The following TMF1 variants were observed in gnomAD, a reference collection of about 807,000 sequenced individuals.
TMF1 encodes TATA element modulatory factor.
A neutral mutation model predicts 126.5 loss-of-function variants in TMF1; 71 were observed. The observed-to-expected ratio is 0.56, with a 90% CI of 0.46 to 0.68. The LOEUF is 0.68. Among genes scored for constraint, TMF1 ranks in the 30% least tolerant of loss-of-function variants. The pLI is 0.00. For missense variants in TMF1, 1,259 were observed against 1,253.2 expected, an observed-to-expected ratio of 1.00 and a Z score of -0.07; for synonymous variants, 461 against 430.5, an observed-to-expected ratio of 1.07 and a Z score of -0.88.
intron 10 of TMF1, among the ~76,000 whole-genome samples, chr3:69,031,658 G>A (rs543004845): frequency 6.6e-6 from 1 of 152,204 alleles, no homozygotes; most frequent in Non-Finnish European, 1.5e-5. Flanking sequence ...AAAGAGCAAT[G>A]GGTAAGATTC....
chr3:69,030,954 A>G (rs2091798044), intron 10 of TMF1, among the ~76,000 whole-genome samples: 1 of 152,220 alleles, frequency 6.6e-6, no homozygotes, highest in South Asian at 2.1e-4. Context: ...ATGAATATTC[A>G]CAGTAGCTTT....
At chr3:69,038,816 G>A in intron 7 of TMF1, 27 bp downstream of exon 7, 6 of 1,583,040 alleles carry the variant, frequency 3.8e-6, no homozygotes, top group Non-Finnish European at 5.1e-6. Context: ...CATTCTAAAT[G>A]GGTTGCATAT....
In TMF1 at chr3:69,048,507, T is replaced by G. The variant is rs202168999; in HGVS notation, c.198A>C (p.Ser66=). The change falls in exon 2 of 17, where the codon TCA becomes TCC. Residue 66 remains serine (S), a synonymous_variant. Transcript: ENST00000398559. ...TTGGTGGACTCTGAGGTTCAGTGTT[T>G]GATTTCAACCCCCAGGTTGAAGTAT... ...GWDTSTWGLK[S]NTEPQSPPIA... 2 of 1,613,912 alleles carry G rather than the reference T, an allele frequency of 1.2e-6. No homozygotes were observed. Among genetic ancestry groups the G allele is most frequent in the Non-Finnish European group, 1.7e-6 (2 of 1,179,860 alleles).
intron 16 of TMF1, 52 bp from the exon 17 acceptor site, chr3:69,023,372 T>C: frequency 7.1e-7 from 1 of 1,408,930 alleles, no homozygotes; most frequent in Non-Finnish European, 9.8e-7. Flanking sequence ...AGAACATCTT[T>C]AATATTTATA....
Position 69,021,311 on chromosome 3 carries a change from G to GT in TMF1, c.*1865dup, listed in dbSNP as rs1480216540. 3 of 152,542 alleles carry GT rather than the reference G, an allele frequency of 2.0e-5. No individual in the cohort carries two copies. Among genetic ancestry groups the GT allele is most frequent in the Admixed American group, 2.0e-4 (3 of 15,270 alleles). 9.4% of individuals were successfully genotyped at this position (152,542 alleles called of 1,614,324 possible). ...AGACGTTCACTGGGGGTCTTGGAAC[G>GT]TATGTCCCATGGGTAAGAGGGAACT... On this transcript the variant is annotated 3_prime_UTR_variant, in exon 17 of 17. Transcript: ENST00000398559.
At chr3:69,039,720 C>T in intron 5 of TMF1, 27 bp from the exon 6 acceptor site, 1 of 1,591,686 alleles carries the variant, frequency 6.3e-7, no homozygotes. Flanking sequence ...AGTATAAACT[C>T]AAATGATAAC....
Position 69,029,963 on chromosome 3 carries a change from C to T in TMF1, c.2446G>A (p.Ala816Thr). The change falls in exon 11 of 17, where the codon GCA becomes ACA. Residue 816 changes from alanine (A) to threonine (T), a missense_variant. Ala to Thr is a moderately conservative substitution (Grantham distance 58). Coordinates refer to ENST00000398559, the MANE Select transcript of TMF1 (RefSeq NM_007114.3). ...LLAAAVERERAATEELLANKI... is the reference protein window; with the variant it reads ...LLAAAVERERTATEELLANKI... ...TTAGCAAGGAGTTCTTCTGTAGCTG[C>T]ACGTTCTCTCTCAACTGCTGCTGCC... The T allele has an allele frequency of 3.1e-6, 5 of 1,614,078 alleles. No homozygotes were observed. The highest frequency in any genetic ancestry group is 3.4e-6 in the Non-Finnish European group (4 of 1,179,942).
At position 69,021,169 on chromosome 3, in the gene TMF1, C is replaced by G. The variant is rs2091727313; in HGVS notation, c.*2008G>C. On this transcript the variant is annotated 3_prime_UTR_variant, in exon 17 of 17. Transcript: ENST00000398559. The stretch of plus-strand genomic sequence containing the variant: ...ATTACAGTGCACTGTTATAATTGTT[C>G]TATTTGCAGTTATTGTTTATCTCTT... 6.6e-6 allele frequency: 1 copy of G among 152,292 alleles called. No individual in the cohort carries two copies. Among genetic ancestry groups the G allele is most frequent in the Non-Finnish European group, 1.5e-5 (1 of 67,984 alleles). 9.4% of individuals were successfully genotyped at this position (152,292 alleles called of 1,614,324 possible).
rs1189930100 is a variant in TMF1, at chr3:69,033,601, C to A, written c.2348G>T (p.Gly783Val). ...RQIENLQATLGSQTSSWEKLE... is the reference protein window; with the variant it reads ...RQIENLQATLVSQTSSWEKLE... ...TTTCTCCCACGACGATGTCTGGGAT[C>A]CCAGGGTTGCTTGCAAATTTTCTAT... Residue 783 changes from glycine (G) to valine (V), a missense_variant, in exon 10 of 17, where the codon GGA becomes GTA. Physicochemically the swap from Gly to Val is moderately radical, Grantham distance 109. Coordinates refer to ENST00000398559, the MANE Select transcript of TMF1 (RefSeq NM_007114.3). 6.2e-6 allele frequency: 10 copies of A among 1,614,016 alleles called. No individual in the cohort carries two copies. Among genetic ancestry groups the A allele is most frequent in the East Asian group, 4.5e-5 (2 of 44,842 alleles).
intron 2 of TMF1, among the ~76,000 whole-genome samples, chr3:69,045,943 C>A (rs1391137021): frequency 1.3e-5 from 2 of 151,864 alleles, no homozygotes; most frequent in African/African-American, 4.8e-5. Context: ...ATGGTCCCAG[C>A]TACTAGAGCG....
intron 10 of TMF1, among the ~76,000 whole-genome samples, chr3:69,032,764 G>A (rs1421899778): frequency 1.3e-5 from 2 of 151,974 alleles, no homozygotes; most frequent in African/African-American, 4.8e-5. Flanking sequence ...CATGCGCCAT[G>A]ACACCCAGCT....
chr3:69,040,800 T>C lies in TMF1; in HGVS notation c.1685-1107A>G, dbSNP rs2091859612. On this transcript the variant is annotated intron_variant, in intron 5 of 16. Transcript: ENST00000398559. ...AGCTAGGCGTGGTGGCAGGTAGCTA[T>C]AGTCTCAGCTATTCGGGAGGCTGAG... is the stretch of plus-strand genomic sequence containing the variant. Among the ~76,000 whole-genome samples, 3 of 152,066 alleles carry C rather than the reference T, an allele frequency of 2.0e-5. 1 individual carries two copies. The South Asian group carries it at 6.2e-4, about 32-fold the overall frequency.
intron 8 of TMF1, among the ~76,000 whole-genome samples, chr3:69,037,361 C>T (rs376962471): frequency 6.6e-6 from 1 of 152,066 alleles, no homozygotes; most frequent in Non-Finnish European, 1.5e-5. Flanking sequence ...GCAGGGTGGC[C>T]GGGCATGGTG....
Position 69,047,722 on chromosome 3 carries a change from G to C in TMF1, c.983C>G (p.Ser328Ter). ...CSSDAFERID[S>*]FSVQSLDSRS... is the part of the protein sequence containing the mutation. Reference sequence around the variant, plus strand: ...GCTATCTAATGACTGTACACTAAATGAGTCTATTCTTTCAAAAGCATCAGA... The same window carrying C: ...GCTATCTAATGACTGTACACTAAATCAGTCTATTCTTTCAAAAGCATCAGA... The change falls in exon 2 of 17, where the codon TCA (serine) becomes TGA (stop). Residue 328 changes from serine to a stop codon, truncating the protein, a stop_gained. Transcript: ENST00000398559. LOFTEE classifies it high-confidence loss of function. 1.2e-6 allele frequency: 2 copies of C among 1,614,034 alleles called. No homozygotes were observed. The highest frequency in any genetic ancestry group is 8.5e-7 in the Non-Finnish European group (1 of 1,179,998).
At chr3:69,039,838 A>G in intron 5 of TMF1, 145 bp from the exon 6 acceptor site, 1 of 848,944 alleles carries the variant, frequency 1.2e-6, no homozygotes, top group South Asian at 1.9e-5. Context: ...TAATTTGGAC[A>G]GCAATCATCA....
At chr3:69,039,156 G>A in intron 6 of TMF1, 147 bp from the exon 7 acceptor site, 1 of 808,590 alleles carries the variant, frequency 1.2e-6, no homozygotes. Context: ...GAATGTTCTG[G>A]CTCACTGCAA....
At chr3:69,036,340 T>C (rs1427182530) in intron 8 of TMF1, among the ~76,000 whole-genome samples, 1 of 152,132 alleles carries the variant, frequency 6.6e-6, no homozygotes, top group African/African-American at 2.4e-5. Context: ...ATTATAAAAC[T>C]GTAAAAAGAT....
chr3:69,027,720 T>C (rs1254404997), intron 13 of TMF1, among the ~76,000 whole-genome samples, 180 bp downstream of exon 13: 1 of 151,538 alleles, frequency 6.6e-6, no homozygotes, highest in African/African-American at 2.4e-5. Context: ...CTCATGATGA[T>C]TTAAGAAAGT....
chr3:69,041,817 T>G (rs2091866541), intron 5 of TMF1, among the ~76,000 whole-genome samples: 1 of 152,098 alleles, frequency 6.6e-6, no homozygotes, highest in South Asian at 2.1e-4. Context: ...ATTCATATAC[T>G]TTCCTATAAC....
Sources: gnomAD v4.1 joint callset for allele counts (sites outside exome capture counted in the v4.1 genomes callset) on GRCh38, gnomAD v4.1.1 for gene constraint, MANE v1.5 for transcripts, NCBI Gene and HGNC (gene_info 2026-07-23, HGNC 2026-07-21) for gene names.